Variants in PDE1C observed in about 807,000 individuals in gnomAD.
PDE1C encodes the protein dual specificity calcium/calmodulin-dependent 3',5'-cyclic nucleotide phosphodiesterase 1C.
In PDE1C, 62 loss-of-function variants were observed where a neutral mutation model predicts 93.1. That is an observed-to-expected ratio of 0.67 (90% CI 0.54 to 0.82). The LOEUF (loss-of-function observed/expected upper bound fraction) is 0.82. PDE1C is among the 40% of genes least tolerant of loss of function. The pLI, the probability that PDE1C is intolerant of heterozygous loss-of-function variation, is 0.00. For synonymous variants in PDE1C, 325 were observed against 310.1 expected, an observed-to-expected ratio of 1.05 and a Z score of -0.50; for missense variants, 742 against 884.6, an observed-to-expected ratio of 0.84 and a Z score of 2.04.
the PDE1C span, chr7:31,695,670 C>G: frequency 8.7e-5 from 135 of 1,555,162 alleles, 1 homozygote; most frequent in Non-Finnish European, 1.0e-5. Context: ...CCACTTGCCA[C>G]TAGGTTGCAT....
chr7:31,863,796 T>A (rs918534683), intron 7 of PDE1C, among the ~76,000 whole-genome samples: 3 of 152,138 alleles, frequency 2.0e-5, no homozygotes, highest in Non-Finnish European at 1.5e-5. Context: ...TTCACCATTT[T>A]AAAAAAATGA....
chr7:31,644,387 T>A, the PDE1C span, among the ~76,000 whole-genome samples: 1 of 152,198 alleles, frequency 6.6e-6, no homozygotes, highest in Non-Finnish European at 1.5e-5. Flanking sequence ...TGACACAGGA[T>A]TGTTTTAGGA....
At chr7:31,651,364 G>A in the PDE1C span, 2 of 1,362,156 alleles carry the variant, frequency 1.5e-6, no homozygotes, top group Non-Finnish European at 1.9e-6. Flanking sequence ...CCCTGGAGCA[G>A]AGCTAATGAG....
At chr7:31,890,632 T>C (rs1218358154) in intron 2 of PDE1C, among the ~76,000 whole-genome samples, 1 of 152,216 alleles carries the variant, frequency 6.6e-6, no homozygotes, top group African/African-American at 2.4e-5. Context: ...AATTCTACCA[T>C]ACTACAAATA....
intron 1 of PDE1C, among the ~76,000 whole-genome samples, chr7:32,347,647 C>T (rs754169725): frequency 2.6e-5 from 4 of 152,124 alleles, no homozygotes; most frequent in Non-Finnish European, 5.9e-5. Flanking sequence ...TTGAAGAAGT[C>T]GGCTGCTATG....
chr7:32,113,871 C>T (rs1050768085), intron 3 of PDE1C, among the ~76,000 whole-genome samples: 10 of 152,010 alleles, frequency 6.6e-5, no homozygotes, highest in African/African-American at 1.2e-4. Context: ...GAATGAACTC[C>T]GATTCACAAT....
intron 2 of PDE1C, among the ~76,000 whole-genome samples, chr7:32,045,632 C>A (rs915263998): frequency 6.6e-6 from 1 of 152,136 alleles, no homozygotes; most frequent in African/African-American, 2.4e-5. Context: ...TTAATTTTCC[C>A]AACAAGTTAC....
chr7:31,684,132 AG>A, the PDE1C span, among the ~76,000 whole-genome samples: 16 of 152,320 alleles, frequency 1.1e-4, no homozygotes, highest in African/African-American at 3.6e-4. Context: ...CTGCCTTAAA[AG>A]GGGGAGGGGC....
intron 2 of PDE1C, among the ~76,000 whole-genome samples, chr7:31,925,938 G>A (rs563745708): frequency 1.2e-3 from 177 of 152,156 alleles, no homozygotes; most frequent in South Asian, 2.7e-3. Flanking sequence ...ATGCATATGT[G>A]CACACTCCAT....
Position 32,034,615 on chromosome 7 carries a change from A to G in PDE1C, c.128+16939T>C, listed in dbSNP as rs867904047. ...CTTCAAATGCACAAAAAATCTAAAC[A>G]GGAATTAACCAAACCTCCAAACAGT... On this transcript the variant is annotated intron_variant, in intron 2 of 17. Transcript: ENST00000396191. Among the ~76,000 whole-genome samples, 113 of 152,164 alleles carry G rather than the reference A, an allele frequency of 7.4e-4. 1 individual carries two copies. The highest frequency in any genetic ancestry group is 2.6e-3 in the African/African-American group (108 of 41,446).
At chr7:32,040,517 C>T (rs1038502789) in intron 2 of PDE1C, among the ~76,000 whole-genome samples, 4 of 152,162 alleles carry the variant, frequency 2.6e-5, no homozygotes, top group African/African-American at 7.2e-5. Context: ...AAATCACCCC[C>T]AGTCGAGAAC....
intron 1 of PDE1C, among the ~76,000 whole-genome samples, chr7:32,245,853 A>G (rs1232505482): frequency 6.6e-6 from 1 of 152,146 alleles, no homozygotes; most frequent in African/African-American, 2.4e-5. Flanking sequence ...TTGTAAGGTC[A>G]CTAATCTCAA....
At chr7:31,967,221 A>C (rs1269913009) in intron 2 of PDE1C, among the ~76,000 whole-genome samples, 2 of 152,198 alleles carry the variant, frequency 1.3e-5, no homozygotes, top group Non-Finnish European at 2.9e-5. Flanking sequence ...AGCAAGACTA[A>C]TAAAGAAGAA....
intron 3 of PDE1C, among the ~76,000 whole-genome samples, chr7:32,089,723 T>G (rs1797356422): frequency 6.6e-6 from 1 of 152,160 alleles, no homozygotes; most frequent in Non-Finnish European, 1.5e-5. Flanking sequence ...AATGCTGTAT[T>G]CACAAGAGTT....
rs533853566 is a variant in PDE1C, at chr7:31,819,097, G to A, written c.1583-2943C>T. ...CCCTTCTGACATCATGATCTAATCA[G>A]ATACGAGCCTATCCTACTGTATGAT... On this transcript the variant is annotated intron_variant, in intron 14 of 17. Transcript: ENST00000396191. Among the ~76,000 whole-genome samples the A allele has an allele frequency of 2.6e-5, 4 of 152,224 alleles. No homozygotes were observed. The South Asian group carries it at 8.3e-4, about 32-fold the overall frequency.
intron 1 of PDE1C, among the ~76,000 whole-genome samples, chr7:32,420,325 G>A (rs1331972195): frequency 3.3e-4 from 1 of 3,038 alleles, no homozygotes; most frequent in Non-Finnish European, 7.8e-4. Context: ...GTATATATAT[G>A]TGTATATATA....
At chr7:32,117,604 C>T (rs983039097) in intron 3 of PDE1C, among the ~76,000 whole-genome samples, 2 of 152,204 alleles carry the variant, frequency 1.3e-5, no homozygotes, top group East Asian at 3.8e-4. Context: ...CACACATACA[C>T]ATATACACAT....
intron 1 of PDE1C, among the ~76,000 whole-genome samples, chr7:32,335,707 TG>T (rs956729122): frequency 1.5e-5 from 2 of 132,554 alleles, no homozygotes; most frequent in Non-Finnish European, 3.2e-5. Flanking sequence ...CCTCTGTTTT[TG>T]TTTTTTTGTT....
At chr7:32,406,544 A>T (rs954250168) in intron 1 of PDE1C, among the ~76,000 whole-genome samples, 3 of 152,178 alleles carry the variant, frequency 2.0e-5, no homozygotes, top group African/African-American at 4.8e-5. Flanking sequence ...AAAAAAAAAA[A>T]AAAAATTGGA....
Sources: gnomAD v4.1 joint callset for allele counts (sites outside exome capture counted in the v4.1 genomes callset) on GRCh38, gnomAD v4.1.1 for gene constraint, MANE v1.5 for transcripts, NCBI Gene and HGNC (gene_info 2026-07-23, HGNC 2026-07-21) for gene names.